The following WDFY3 variants were observed in gnomAD, a reference collection of about 807,000 sequenced individuals.
WDFY3 encodes the protein WD repeat and FYVE domain-containing protein 3.
In WDFY3, 66 loss-of-function variants were observed where a neutral mutation model predicts 409.6. That is an observed-to-expected ratio of 0.16 (90% CI 0.13 to 0.20). WDFY3 has a LOEUF of 0.20. Among genes scored for constraint, WDFY3 ranks in the 10% least tolerant of loss-of-function variants. WDFY3 has a pLI of 1.00. For missense variants in WDFY3, 3,031 were observed against 4,298.1 expected (o/e 0.71, Z 8.24); for synonymous variants, 1,521 against 1,537.1 (o/e 0.99, Z 0.25).
At chr4:84,884,874 A>G (rs1763983948) in intron 3 of WDFY3, among the ~76,000 whole-genome samples, 1 of 152,204 alleles carries the variant, frequency 6.6e-6, no homozygotes, top group African/African-American at 2.4e-5. Flanking sequence ...CTAACTCACT[A>G]ATTTTAGAAT....
At chr4:84,737,133 T>A in intron 41 of WDFY3, 51 bp downstream of exon 41, 1 of 1,602,886 alleles carries the variant, frequency 6.2e-7, no homozygotes, top group Admixed American at 1.7e-5. Context: ...TATACCCATA[T>A]ATGATAGCCA....
chr4:84,715,014 T>A (rs1733619118), intron 50 of WDFY3, among the ~76,000 whole-genome samples: 1 of 152,090 alleles, frequency 6.6e-6, no homozygotes, highest in African/African-American at 2.4e-5. Context: ...TACAGTTTCA[T>A]CATCCTTTGT....
At chr4:84,700,831 G>C (rs1163475595) in intron 56 of WDFY3, among the ~76,000 whole-genome samples, 2 of 152,240 alleles carry the variant, frequency 1.3e-5, no homozygotes, top group Non-Finnish European at 2.9e-5. Context: ...GGCTGTGCGT[G>C]GTGGCTCACG....
chr4:84,931,141 G>A (rs1156613663), intron 2 of WDFY3, among the ~76,000 whole-genome samples: 3 of 152,142 alleles, frequency 2.0e-5, no homozygotes, highest in East Asian at 1.9e-4. Context: ...TCCACTGGGG[G>A]TCTTGGAACA....
intron 51 of WDFY3, 45 bp downstream of exon 51, chr4:84,713,114 C>T (rs1578216424): frequency 6.3e-7 from 1 of 1,589,562 alleles, no homozygotes; most frequent in Admixed American, 1.7e-5. Context: ...TGAATCATCC[C>T]AACTTCACTA....
chr4:84,724,716 T>C (rs755931070), intron 45 of WDFY3, 122 bp from the exon 46 acceptor site: 7 of 1,025,682 alleles, frequency 6.8e-6, no homozygotes, highest in South Asian at 4.1e-5. Context: ...TCATAGACTG[T>C]ATGTATATAC....
At chr4:84,776,327 T>C (rs1475742327) in intron 27 of WDFY3, among the ~76,000 whole-genome samples, 1 of 152,040 alleles carries the variant, frequency 6.6e-6, no homozygotes, top group Non-Finnish European at 1.5e-5. Flanking sequence ...CAAATGAGTA[T>C]TCTAAAAATT....
chr4:84,820,929 C>T (rs1753963536), intron 11 of WDFY3, among the ~76,000 whole-genome samples, 155 bp downstream of exon 11: 2 of 152,050 alleles, frequency 1.3e-5, no homozygotes, highest in Non-Finnish European at 2.9e-5. Context: ...TTGAATGAAC[C>T]TGTAAATTTT....
At chr4:84,815,313 TTC>T (rs977869606) in intron 13 of WDFY3, among the ~76,000 whole-genome samples, 4 of 152,182 alleles carry the variant, frequency 2.6e-5, no homozygotes, top group Non-Finnish European at 4.4e-5. Flanking sequence ...TTTACTTAAT[TTC>T]TCTCTTTCTC....
At chr4:84,901,937 A>AT (rs1260073526) in intron 2 of WDFY3, among the ~76,000 whole-genome samples, 20 of 152,196 alleles carry the variant, frequency 1.3e-4, no homozygotes, top group Non-Finnish European at 4.4e-5. Flanking sequence ...CCTGTCAAAT[A>AT]TGACATACTG....
chr4:84,859,001 T>G (rs1760165996), intron 4 of WDFY3, among the ~76,000 whole-genome samples: 1 of 144,962 alleles, frequency 6.9e-6, no homozygotes, highest in Non-Finnish European at 1.5e-5. Flanking sequence ...AAGAAAGAAA[T>G]GGAAACAGGG....
At chr4:84,744,981 C>A (rs1378683673) in intron 36 of WDFY3, among the ~76,000 whole-genome samples, 1 of 150,852 alleles carries the variant, frequency 6.6e-6, no homozygotes, top group African/African-American at 2.4e-5. Context: ...GTAAGGAGGA[C>A]GGTGAACAAC....
chr4:84,949,075 T>G (rs760428654), intron 1 of WDFY3, among the ~76,000 whole-genome samples: 3 of 152,138 alleles, frequency 2.0e-5, no homozygotes, highest in Non-Finnish European at 4.4e-5. Context: ...AAGGTTAGAT[T>G]GACCTTAACA....
At chr4:84,939,016 T>C (rs898392193) in intron 1 of WDFY3, among the ~76,000 whole-genome samples, 4 of 152,140 alleles carry the variant, frequency 2.6e-5, no homozygotes, top group Non-Finnish European at 5.9e-5. Flanking sequence ...TTTCAATTGA[T>C]CCAATAACAT....
chr4:84,811,743 A>G (rs1328712217), intron 13 of WDFY3, among the ~76,000 whole-genome samples: 2 of 152,160 alleles, frequency 1.3e-5, no homozygotes, highest in African/African-American at 2.4e-5. Context: ...AAGATCTCAC[A>G]CATTTCTAAT....
chr4:84,930,316 T>C (rs948796401), intron 2 of WDFY3, among the ~76,000 whole-genome samples: 12 of 152,312 alleles, frequency 7.9e-5, no homozygotes, highest in South Asian at 6.2e-4. Context: ...GGACCACAGA[T>C]ATTTTAGTGA....
Position 84,720,376 on chromosome 4 carries a change from G to A in WDFY3, c.7605+1033C>T, listed in dbSNP as rs560071482. Among the ~76,000 whole-genome samples, 3 of 152,240 alleles carry A rather than the reference G, an allele frequency of 2.0e-5. No individual in the cohort carries two copies. The South Asian group carries it at 6.2e-4, about 32-fold the overall frequency. On this transcript the variant is annotated intron_variant, in intron 47 of 67. Transcript: ENST00000295888. ...GATTATAACACACAGGATTTATTAG[G>A]ATAAAGGTTATGCAAGTAAAAGGAA...
At chr4:84,726,753 C>T (rs1272992888) in intron 45 of WDFY3, 108 bp downstream of exon 45, 28 of 944,584 alleles carry the variant, frequency 3.0e-5, no homozygotes, top group African/African-American at 8.4e-5. Flanking sequence ...AAATTGAAAG[C>T]CAATCTTTTA....
chr4:84,877,038 T>G (rs1232372014), intron 3 of WDFY3, among the ~76,000 whole-genome samples: 1 of 152,194 alleles, frequency 6.6e-6, no homozygotes, highest in Non-Finnish European at 1.5e-5. Flanking sequence ...CTTTAACATA[T>G]AGCTAAGTAT....
Sources: gnomAD v4.1 joint callset for allele counts (sites outside exome capture counted in the v4.1 genomes callset) on GRCh38, gnomAD v4.1.1 for gene constraint, MANE v1.5 for transcripts, NCBI Gene and HGNC (gene_info 2026-07-23, HGNC 2026-07-21) for gene names.